CACNG3: variants seen among roughly 807,000 people sequenced by gnomAD.
CACNG3 encodes the protein calcium voltage-gated channel auxiliary subunit gamma 3, also known as voltage-dependent calcium channel gamma-3 subunit.
A neutral mutation model predicts 28.5 loss-of-function variants in CACNG3; 3 were observed. The ratio of observed to expected loss-of-function variants is 0.11; its 90% confidence interval spans 0.05 to 0.27. The LOEUF is 0.27. Among genes scored for constraint, CACNG3 ranks in the 10% least tolerant of loss-of-function variants. The pLI, the probability that CACNG3 is intolerant of heterozygous loss-of-function variation, is 1.00. For synonymous variants in CACNG3, 174 were observed against 162.2 expected, an observed-to-expected ratio of 1.07 and a Z score of -0.55; for missense variants, 236 against 414.4, an observed-to-expected ratio of 0.57 and a Z score of 3.74.
chr16:24,351,724 G>GGAGA (rs201226171), intron 2 of CACNG3, among the ~76,000 whole-genome samples: 1 of 109,434 alleles, frequency 9.1e-6, no homozygotes, highest in Non-Finnish European at 1.8e-5. Context: ...AAGGAGGGAG[G>GGAGA]GAGAGAGAGA....
chr16:24,285,048 G>A, intron 1 of CACNG3, among the ~76,000 whole-genome samples: 1 of 150,912 alleles, frequency 6.6e-6, no homozygotes, highest in Non-Finnish European at 1.5e-5. Flanking sequence ...CTCAGAGTGT[G>A]ACCTCACCTC....
chr16:24,336,230 A>C (rs557147259), intron 1 of CACNG3, among the ~76,000 whole-genome samples: 1 of 151,912 alleles, frequency 6.6e-6, no homozygotes, highest in African/African-American at 2.4e-5. Context: ...GTCTCCAAAA[A>C]AAAGAAAGAA....
rs371418465 is a variant in CACNG3 at position 24,313,449 on chromosome 16, G to A, written c.212-33285G>A. Among the ~76,000 whole-genome samples, 6 of 151,966 alleles carry A rather than the reference G, an allele frequency of 3.9e-5. No homozygotes were observed. The East Asian group carries it at 5.8e-4, about 15-fold the overall frequency. On this transcript the variant is annotated intron_variant, in intron 1 of 3. Coordinates refer to ENST00000005284, the MANE Select transcript of CACNG3 (RefSeq NM_006539.4). Reference sequence around the variant, plus strand: ...CTAAGTTGTCTCAAGAGTTCCTTTCGGCACTTTTATGTTTTTGATTTTTTT... The same window carrying A: ...CTAAGTTGTCTCAAGAGTTCCTTTCAGCACTTTTATGTTTTTGATTTTTTT...
intron 1 of CACNG3, among the ~76,000 whole-genome samples, chr16:24,337,814 A>G (rs1899731861): frequency 6.6e-6 from 1 of 151,558 alleles, no homozygotes; most frequent in African/African-American, 2.4e-5. Context: ...GTTACTCCCT[A>G]CCCTAAGAAA....
In CACNG3 at chr16:24,292,012, G is replaced by A. The variant is rs118189131; in HGVS notation, c.211+35047G>A. ...ATGAGCCAGTGGGGAGAGAGAGAGA[G>A]AGACTGAGGTAAGTGAGGGGTGGTT... On this transcript the variant is annotated intron_variant, in intron 1 of 3. Coordinates refer to ENST00000005284, the MANE Select transcript of CACNG3 (RefSeq NM_006539.4). 9.8e-4 allele frequency among the ~76,000 whole-genome samples: 149 copies of A among 152,158 alleles called. 1 individual carries two copies. The East Asian group carries it at 0.016, about 16-fold the overall frequency.
intron 1 of CACNG3, among the ~76,000 whole-genome samples, chr16:24,270,562 T>C (rs1389685208): frequency 1.3e-5 from 2 of 152,218 alleles, no homozygotes; most frequent in Admixed American, 6.5e-5. Context: ...TGGTGAGTGA[T>C]GGCTTAGCTC....
intron 1 of CACNG3, among the ~76,000 whole-genome samples, chr16:24,266,767 A>G (rs1385840161): frequency 2.6e-5 from 4 of 151,966 alleles, no homozygotes; most frequent in African/African-American, 7.3e-5. Flanking sequence ...CAGGAACCCC[A>G]CCTGTGGCCT....
chr16:24,329,196 C>T (rs903747964), intron 1 of CACNG3, among the ~76,000 whole-genome samples: 4 of 152,158 alleles, frequency 2.6e-5, no homozygotes, highest in African/African-American at 4.8e-5. Context: ...TTGCTCAAAA[C>T]GCCAGAACTA....
At chr16:24,272,378 T>C (rs1898702157) in intron 1 of CACNG3, among the ~76,000 whole-genome samples, 1 of 152,190 alleles carries the variant, frequency 6.6e-6, no homozygotes, top group East Asian at 1.9e-4. Flanking sequence ...TCTCTCTCTT[T>C]TTTTTTTCCT....
intron 1 of CACNG3, among the ~76,000 whole-genome samples, chr16:24,322,708 TTAAAG>T (rs1169791036): frequency 1.3e-5 from 2 of 152,192 alleles, no homozygotes; most frequent in Non-Finnish European, 2.9e-5. Flanking sequence ...CAGAGGTTCC[TTAAAG>T]TAACTTTCTC....
chr16:24,307,360 G>T (rs776744766), intron 1 of CACNG3, among the ~76,000 whole-genome samples: 3 of 151,976 alleles, frequency 2.0e-5, no homozygotes, highest in Non-Finnish European at 4.4e-5. Flanking sequence ...GACCTCAAGT[G>T]ATCCACCCAC....
At chr16:24,306,140 C>G (rs1267517701) in intron 1 of CACNG3, among the ~76,000 whole-genome samples, 1 of 152,236 alleles carries the variant, frequency 6.6e-6, no homozygotes, top group Admixed American at 6.5e-5. Flanking sequence ...CCCAGTTACA[C>G]CACAACTCTC....
At chr16:24,354,629 A>C (rs530041746) in intron 2 of CACNG3, among the ~76,000 whole-genome samples, 2 of 152,344 alleles carry the variant, frequency 1.3e-5, no homozygotes, top group African/African-American at 4.8e-5. Flanking sequence ...TAAGACTCTC[A>C]GAATGGTGAC....
intron 1 of CACNG3, among the ~76,000 whole-genome samples, chr16:24,328,413 G>C (rs1172520133): frequency 1.3e-5 from 2 of 148,880 alleles, no homozygotes; most frequent in East Asian, 3.9e-4. Context: ...TCGTAGGCCA[G>C]GTTAAGGACT....
At chr16:24,285,279 A>G (rs984482631) in intron 1 of CACNG3, among the ~76,000 whole-genome samples, 5 of 152,160 alleles carry the variant, frequency 3.3e-5, no homozygotes, top group African/African-American at 2.4e-5. Flanking sequence ...GGTTACCAAA[A>G]CCATTTTTTA....
chr16:24,310,652 C>A (rs1899249074), intron 1 of CACNG3, among the ~76,000 whole-genome samples: 1 of 152,134 alleles, frequency 6.6e-6, no homozygotes, highest in Non-Finnish European at 1.5e-5. Context: ...TCATTTAATC[C>A]TCACAAAGCC....
At chr16:24,277,539 C>T (rs1016670299) in intron 1 of CACNG3, among the ~76,000 whole-genome samples, 4 of 152,068 alleles carry the variant, frequency 2.6e-5, no homozygotes, top group African/African-American at 9.7e-5. Context: ...CTTTGGGAGG[C>T]CGAGGTGCGC....
chr16:24,293,807 T>C (rs961507309), intron 1 of CACNG3, among the ~76,000 whole-genome samples: 3 of 152,178 alleles, frequency 2.0e-5, no homozygotes, highest in African/African-American at 7.2e-5. Flanking sequence ...AGTCAGCAGA[T>C]GTTCTCGAAA....
intron 3 of CACNG3, 44 bp downstream of exon 3, chr16:24,355,017 C>T: frequency 1.3e-6 from 2 of 1,588,222 alleles, no homozygotes; most frequent in South Asian, 2.2e-5. Context: ...AGATACCAAA[C>T]TGAAGCCAGG....
Sources: gnomAD v4.1 joint callset for allele counts (sites outside exome capture counted in the v4.1 genomes callset) on GRCh38, gnomAD v4.1.1 for gene constraint, MANE v1.5 for transcripts, NCBI Gene and HGNC (gene_info 2026-07-23, HGNC 2026-07-21) for gene names.